Variants in NOS1AP observed in about 807,000 individuals in gnomAD.
The protein encoded by NOS1AP is carboxyl-terminal PDZ ligand of neuronal nitric oxide synthase protein.
NOS1AP carries 21 observed loss-of-function variants against 56.2 expected under a neutral mutation model. The ratio of observed to expected loss-of-function variants is 0.37; its 90% CI spans 0.26 to 0.54. The LOEUF is 0.54. Among genes scored for constraint, NOS1AP ranks in the 20% least tolerant of loss-of-function variants. The probability of loss-of-function intolerance (pLI) is 0.84; values close to 1 mark genes in which losing one functional copy is unlikely to be tolerated. For synonymous variants in NOS1AP, 270 were observed against 274.6 expected (o/e 0.98, Z 0.17); for missense variants, 522 against 657.8 (o/e 0.79, Z 2.26).
At chr1:162,314,463 T>C (rs774618461) in intron 4 of NOS1AP, among the ~76,000 whole-genome samples, 1 of 152,250 alleles carries the variant, frequency 6.6e-6, no homozygotes. Flanking sequence ...AACAAAATGA[T>C]TGGCTGGTGT....
rs1656830264 is a variant in NOS1AP, at chr1:162,333,188, T to C, written c.453+63T>C. ...TAATGGTTCCAAAGCACCCCCAACATTGGCCCGTCTCCCTGTTGAAGACAG... is the reference window on the plus strand; with the variant it reads ...TAATGGTTCCAAAGCACCCCCAACACTGGCCCGTCTCCCTGTTGAAGACAG... On this transcript the variant is annotated intron_variant, in intron 5 of 9. Coordinates refer to ENST00000361897, the MANE Select transcript of NOS1AP (RefSeq NM_014697.3). The C allele has an allele frequency of 6.3e-6, 7 of 1,102,718 alleles. No individual in the cohort carries two copies. In the Admixed American group the frequency reaches 7.0e-5, roughly 11 times the overall value. 68.3% of individuals were successfully genotyped at this position (1,102,718 alleles called of 1,614,324 possible).
At chr1:162,101,874 T>C (rs926286536) in intron 1 of NOS1AP, among the ~76,000 whole-genome samples, 1 of 152,196 alleles carries the variant, frequency 6.6e-6, no homozygotes, top group African/African-American at 2.4e-5. Flanking sequence ...TATAGGATCA[T>C]GTCATCTGCA....
chr1:162,076,795 C>T (rs1037521054), intron 1 of NOS1AP, among the ~76,000 whole-genome samples: 1 of 152,212 alleles, frequency 6.6e-6, no homozygotes, highest in Non-Finnish European at 1.5e-5. Flanking sequence ...AATCTACTTG[C>T]TGTCTCTAGA....
chr1:162,081,774 A>ATTTTTTTTTT (rs59767273), intron 1 of NOS1AP, among the ~76,000 whole-genome samples: 2 of 44,058 alleles, frequency 4.5e-5, no homozygotes, highest in African/African-American at 1.5e-4. Flanking sequence ...ATATATATAT[A>ATTTTTTTTTT]TTTTTTTTTT....
chr1:162,251,602 A>ATGTGTGTGTGTG (rs35955567), intron 2 of NOS1AP, among the ~76,000 whole-genome samples: 1,777 of 146,248 alleles, frequency 0.012, 21 homozygotes, highest in Non-Finnish European at 0.017. Context: ...AAATATATAT[A>ATGTGTGTGTGTG]TGTGTGTGTG....
intron 2 of NOS1AP, among the ~76,000 whole-genome samples, chr1:162,197,040 A>G (rs1268452466): frequency 2.0e-5 from 3 of 152,028 alleles, no homozygotes; most frequent in Middle Eastern, 6.8e-3. Flanking sequence ...CGCCCATTCC[A>G]TTGTGAAGAT....
chr1:162,099,100 CA>C (rs1692315197), intron 1 of NOS1AP, among the ~76,000 whole-genome samples: 1 of 152,174 alleles, frequency 6.6e-6, no homozygotes, highest in Non-Finnish European at 1.5e-5. Flanking sequence ...CTGCCTTCCA[CA>C]ATGGCTGAAC....
rs375482793 is a variant in NOS1AP at position 162,273,424 on chromosome 1, C to T, written c.178-13920C>T. On this transcript the variant is annotated intron_variant, in intron 2 of 9. Coordinates refer to ENST00000361897, the MANE Select transcript of NOS1AP (RefSeq NM_014697.3). ...TCGTGATCCACCCACCTCGGCCTCCCGAAGTGCTGGTATTACAGGCGTGAG... is the reference window on the plus strand; with the variant it reads ...TCGTGATCCACCCACCTCGGCCTCCTGAAGTGCTGGTATTACAGGCGTGAG... 4.5e-4 allele frequency among the ~76,000 whole-genome samples: 69 copies of T among 152,284 alleles called. No individual in the cohort carries two copies. In the Middle Eastern group the frequency reaches 0.01, roughly 23 times the overall value.
chr1:162,342,791 T>C lies in NOS1AP; in HGVS notation c.454-1044T>C, dbSNP rs369757455. ...TGATGGACTATATGGTGTCAACAGG[T>C]GGCCATGGCTGACCTGAAGTCAGAT... On this transcript the variant is annotated intron_variant, in intron 5 of 9. Transcript: ENST00000361897. Among the ~76,000 whole-genome samples, 7 of 152,276 alleles carry C rather than the reference T, an allele frequency of 4.6e-5. No individual in the cohort carries two copies. The East Asian group carries it at 1.4e-3, about 29-fold the overall frequency.
At chr1:162,077,884 C>A (rs1691804656) in intron 1 of NOS1AP, among the ~76,000 whole-genome samples, 1 of 152,190 alleles carries the variant, frequency 6.6e-6, no homozygotes, top group African/African-American at 2.4e-5. Context: ...GTATCTCAGT[C>A]TTCATTCAGT....
intron 2 of NOS1AP, among the ~76,000 whole-genome samples, chr1:162,281,250 G>T (rs1654915884): frequency 6.6e-6 from 1 of 152,220 alleles, no homozygotes; most frequent in Non-Finnish European, 1.5e-5. Flanking sequence ...ATGGAATCCA[G>T]ATTTTAATAA....
chr1:162,190,718 C>T (rs1016318263), intron 2 of NOS1AP, among the ~76,000 whole-genome samples: 20 of 152,192 alleles, frequency 1.3e-4, no homozygotes, highest in African/African-American at 4.8e-4. Flanking sequence ...TCCTATGTAG[C>T]GTAATTTTGT....
intron 2 of NOS1AP, among the ~76,000 whole-genome samples, chr1:162,198,967 AC>A (rs1425991569): frequency 2.0e-5 from 3 of 151,932 alleles, no homozygotes; most frequent in Non-Finnish European, 4.4e-5. Flanking sequence ...ATCAGGTTTT[AC>A]CCCTCCGCAT....
intron 1 of NOS1AP, among the ~76,000 whole-genome samples, chr1:162,148,344 G>A (rs1174895114): frequency 6.6e-6 from 1 of 152,220 alleles, no homozygotes; most frequent in African/African-American, 2.4e-5. Context: ...GATGACTAAA[G>A]CATGTTTTAG....
intron 2 of NOS1AP, among the ~76,000 whole-genome samples, chr1:162,268,463 C>T (rs1654492195): frequency 6.6e-6 from 1 of 152,204 alleles, no homozygotes; most frequent in South Asian, 2.1e-4. Context: ...ACAAAGCTCA[C>T]TCATCAATGA....
intron 6 of NOS1AP, among the ~76,000 whole-genome samples, chr1:162,347,743 C>T (rs1657350307): frequency 6.6e-6 from 1 of 152,120 alleles, no homozygotes; most frequent in African/African-American, 2.4e-5. Context: ...GGATCACTTC[C>T]TATACTTTTC....
chr1:162,159,842 G>A (rs560386333), intron 2 of NOS1AP, among the ~76,000 whole-genome samples: 4 of 152,292 alleles, frequency 2.6e-5, no homozygotes, highest in Admixed American at 6.5e-5. Context: ...CAGACTTGAC[G>A]GGTTCTATAG....
intron 1 of NOS1AP, among the ~76,000 whole-genome samples, chr1:162,119,722 G>A (rs934251945): frequency 5.3e-5 from 8 of 152,172 alleles, no homozygotes; most frequent in Non-Finnish European, 7.3e-5. Flanking sequence ...GGATCCCAGA[G>A]TACTTAACAG....
intron 4 of NOS1AP, among the ~76,000 whole-genome samples, chr1:162,315,277 A>C (rs918504904): frequency 6.6e-6 from 1 of 152,238 alleles, no homozygotes; most frequent in Non-Finnish European, 1.5e-5. Context: ...CCTGCCTGAC[A>C]AACCTTTAAT....
Sources: allele counts gnomAD v4.1 joint callset (sites outside exome capture counted in the v4.1 genomes callset), GRCh38; gene constraint gnomAD v4.1.1; transcripts MANE v1.5; gene names NCBI Gene and HGNC (gene_info 2026-07-23, HGNC 2026-07-21).